PPARGC1A: variants seen among roughly 807,000 people sequenced by gnomAD.
The protein encoded by PPARGC1A is peroxisome proliferator-activated receptor gamma coactivator 1-alpha.
Under a neutral mutation model 88.7 loss-of-function variants are expected in PPARGC1A, and 25 were observed. That is an observed-to-expected ratio of 0.28 (90% CI 0.21 to 0.39). PPARGC1A has a LOEUF of 0.39. PPARGC1A is among the 10% of genes least tolerant of loss of function. The pLI is 1.00. For synonymous variants in PPARGC1A, 363 were observed against 355.6 expected, an observed-to-expected ratio of 1.02 and a Z score of -0.24; for missense variants, 880 against 968.7, an observed-to-expected ratio of 0.91 and a Z score of 1.22.
chr4:24,137,525 T>TAA, the PPARGC1A span, among the ~76,000 whole-genome samples: 2 of 152,088 alleles, frequency 1.3e-5, no homozygotes, highest in African/African-American at 2.4e-5. Flanking sequence ...ATTTTACAGA[T>TAA]GCATAAAGAG....
At chr4:23,910,311 TAA>T in the PPARGC1A span, among the ~76,000 whole-genome samples, 250 of 47,340 alleles carry the variant, frequency 5.3e-3, 5 homozygotes, top group Non-Finnish European at 7.1e-3. Context: ...ACCCTATATA[TAA>T]TATTATATAT....
At chr4:24,006,094 A>C in the PPARGC1A span, among the ~76,000 whole-genome samples, 2 of 152,184 alleles carry the variant, frequency 1.3e-5, no homozygotes, top group Non-Finnish European at 2.9e-5. Context: ...TCTGTCACCC[A>C]GGCTAGAGTG....
chr4:24,020,370 C>T, the PPARGC1A span, among the ~76,000 whole-genome samples: 1 of 151,986 alleles, frequency 6.6e-6, no homozygotes, highest in Non-Finnish European at 1.5e-5. Flanking sequence ...TTTCCCCTTG[C>T]TTTTTTTGAG....
chr4:23,887,500 TGCC>T (rs1717108089), intron 1 of PPARGC1A, among the ~76,000 whole-genome samples: 1 of 152,222 alleles, frequency 6.6e-6, no homozygotes, highest in Non-Finnish European at 1.5e-5. Context: ...CACATTCTAC[TGCC>T]TCTTTGCAAC....
At chr4:23,906,568 C>CT (rs149754524), upstream of PPARGC1A, among the ~76,000 whole-genome samples, 930 of 138,840 alleles carry the variant, frequency 6.7e-3, 32 homozygotes, top group East Asian at 0.095. Context: ...GACGGTGCTA[C>CT]GCACTCCAGC....
chr4:24,146,566 G>A, the PPARGC1A span, among the ~76,000 whole-genome samples: 1 of 152,236 alleles, frequency 6.6e-6, no homozygotes, highest in Non-Finnish European at 1.5e-5. Context: ...GATCCTAATA[G>A]GAGGCATATA....
At chr4:23,832,561 T>C (rs926890110) in intron 2 of PPARGC1A, among the ~76,000 whole-genome samples, 1 of 152,062 alleles carries the variant, frequency 6.6e-6, no homozygotes, top group African/African-American at 2.4e-5. Context: ...TTATTTCTTG[T>C]GGCTGGGGTA....
rs1042406917 is a variant in PPARGC1A, at chr4:23,808,387, G to A, written c.2019+4360C>T. Among the ~76,000 whole-genome samples the A allele has an allele frequency of 6.6e-5, 10 of 152,236 alleles. No individual in the cohort carries two copies. In the East Asian group the frequency reaches 1.7e-3, roughly 26 times the overall value. On this transcript the variant is annotated intron_variant, in intron 10 of 12. Transcript: ENST00000264867. ...TGACCAACAGAGAAGTGAAGCAGCA[G>A]TCATTGCCGCCTGAGCACATCTAGT...
chr4:24,099,237 A>G, the PPARGC1A span, among the ~76,000 whole-genome samples: 1 of 147,894 alleles, frequency 6.8e-6, no homozygotes, highest in Non-Finnish European at 1.5e-5. Flanking sequence ...GGGCTATACG[A>G]TATATTTGAG....
At chr4:24,225,524 C>T in the PPARGC1A span, among the ~76,000 whole-genome samples, 4 of 148,018 alleles carry the variant, frequency 2.7e-5, no homozygotes, top group African/African-American at 7.6e-5. Context: ...AGCGAGACTC[C>T]GTCTCAAAAA....
the PPARGC1A span, among the ~76,000 whole-genome samples, chr4:23,961,523 G>A: frequency 2.0e-5 from 3 of 152,122 alleles, no homozygotes; most frequent in African/African-American, 7.2e-5. Flanking sequence ...GGTAATTTCA[G>A]CATGAATCCA....
chr4:24,364,949 AATT>A, the PPARGC1A span, among the ~76,000 whole-genome samples: 1 of 152,066 alleles, frequency 6.6e-6, no homozygotes, highest in Admixed American at 6.6e-5. Context: ...CAGATGAATG[AATT>A]ATTACTAACT....
the PPARGC1A span, among the ~76,000 whole-genome samples, chr4:24,126,945 C>T: frequency 2.0e-5 from 3 of 152,252 alleles, no homozygotes; most frequent in Admixed American, 6.5e-5. Flanking sequence ...CCCTTTTATC[C>T]AGCTTCCATT....
chr4:24,152,308 C>T, the PPARGC1A span, among the ~76,000 whole-genome samples: 1 of 152,294 alleles, frequency 6.6e-6, no homozygotes, highest in Non-Finnish European at 1.5e-5. Context: ...ATCAACAAAA[C>T]TCTGAAAATC....
chr4:24,029,864 A>G, the PPARGC1A span, among the ~76,000 whole-genome samples: 3 of 152,164 alleles, frequency 2.0e-5, no homozygotes, highest in African/African-American at 7.2e-5. Context: ...TTGACTGAAA[A>G]CCTGAGGAAA....
the PPARGC1A span, among the ~76,000 whole-genome samples, chr4:24,095,071 A>C: frequency 3.1e-4 from 47 of 151,728 alleles, no homozygotes; most frequent in Middle Eastern, 3.5e-3. Flanking sequence ...TGGGAGTCCT[A>C]ACCCCCATTA....
chr4:24,330,335 A>G, the PPARGC1A span, among the ~76,000 whole-genome samples: 1 of 152,190 alleles, frequency 6.6e-6, no homozygotes, highest in South Asian at 2.1e-4. Context: ...ACTAATGACT[A>G]ACACCTAATT....
the PPARGC1A span, among the ~76,000 whole-genome samples, chr4:23,990,503 G>A: frequency 0.021 from 3,161 of 151,964 alleles, 106 homozygotes; most frequent in African/African-American, 0.072. Context: ...TAAGAAAATT[G>A]CCACATGCTT....
At chr4:24,306,603 A>G in the PPARGC1A span, among the ~76,000 whole-genome samples, 5 of 152,208 alleles carry the variant, frequency 3.3e-5, no homozygotes, top group African/African-American at 7.2e-5. Flanking sequence ...GATTGAAAAT[A>G]TTTTAGGTTT....
Sources: allele counts gnomAD v4.1 joint callset (sites outside exome capture counted in the v4.1 genomes callset), GRCh38; gene constraint gnomAD v4.1.1; transcripts MANE v1.5; gene names NCBI Gene and HGNC (gene_info 2026-07-23, HGNC 2026-07-21).